The following HTR1F variants were observed in gnomAD, a reference collection of about 807,000 sequenced individuals.
The protein encoded by HTR1F is 5-hydroxytryptamine receptor 1F, also known as 5-hydroxytryptamine (serotonin) receptor 1F, G protein-coupled.
In HTR1F, 17 loss-of-function variants were observed where a neutral mutation model predicts 24.0. That is an observed-to-expected ratio of 0.71 (90% CI 0.48 to 1.06). HTR1F has a LOEUF of 1.06. Among genes scored for constraint, HTR1F ranks in the 50% least tolerant of loss-of-function variants. HTR1F has a pLI of 0.00. For missense variants in HTR1F, 391 were observed against 427.8 expected (o/e 0.91, Z 0.76); for synonymous variants, 186 against 156.8 (o/e 1.19, Z -1.39).
At chr3:87,837,063 T>G (rs533707748) in intron 2 of HTR1F, among the ~76,000 whole-genome samples, 9 of 152,240 alleles carry the variant, frequency 5.9e-5, no homozygotes, top group African/African-American at 2.2e-4. Context: ...CAGAAGGACT[T>G]TTTTCCTTAA....
Position 87,946,190 on chromosome 3 carries a change from C to A in HTR1F, c.-42-44518C>A, listed in dbSNP as rs542198656. On this transcript the variant is annotated intron_variant, in intron 2 of 2. Coordinates refer to ENST00000319595, the MANE Select transcript of HTR1F (RefSeq NM_001322209.2). Reference sequence around the variant, plus strand: ...ATCGCTGGATCAGGAGCACAGCGGACACCCTGCCGGATCCAGAGGGGTGGA... The same window carrying A: ...ATCGCTGGATCAGGAGCACAGCGGAAACCCTGCCGGATCCAGAGGGGTGGA... 2.2e-4 allele frequency among the ~76,000 whole-genome samples: 33 copies of A among 152,332 alleles called. No homozygotes were observed. The South Asian group carries it at 6.6e-3, about 31-fold the overall frequency.
chr3:87,893,872 T>C (rs1706139759), intron 2 of HTR1F, among the ~76,000 whole-genome samples: 1 of 152,260 alleles, frequency 6.6e-6, no homozygotes, highest in Admixed American at 6.5e-5. Flanking sequence ...TCCTTGAGAT[T>C]GGCCACTTGT....
intron 1 of HTR1F, among the ~76,000 whole-genome samples, chr3:87,818,239 A>G (rs1477690093): frequency 6.6e-6 from 1 of 152,184 alleles, no homozygotes; most frequent in African/African-American, 2.4e-5. Flanking sequence ...TAGCATTTAC[A>G]TTATTGATAC....
chr3:87,905,180 T>C (rs1485052943), intron 2 of HTR1F, among the ~76,000 whole-genome samples: 1 of 151,802 alleles, frequency 6.6e-6, no homozygotes, highest in African/African-American at 2.4e-5. Flanking sequence ...TTTGGTGGTA[T>C]ATGTCTGTAG....
At chr3:87,829,939 C>T (rs981391286) in intron 2 of HTR1F, among the ~76,000 whole-genome samples, 1 of 152,094 alleles carries the variant, frequency 6.6e-6, no homozygotes, top group South Asian at 2.1e-4. Flanking sequence ...ACTGACTAAT[C>T]ACTTTTGCTT....
At chr3:87,905,216 A>G (rs1703635331) in intron 2 of HTR1F, among the ~76,000 whole-genome samples, 1 of 151,996 alleles carries the variant, frequency 6.6e-6, no homozygotes, top group African/African-American at 2.4e-5. Context: ...AAGCTGAAGC[A>G]GGAGGATTTC....
intron 1 of HTR1F, among the ~76,000 whole-genome samples, chr3:87,815,160 G>T (rs1704227022): frequency 1.3e-5 from 2 of 152,054 alleles, no homozygotes; most frequent in Admixed American, 1.3e-4. Context: ...TGTGTCATGG[G>T]AATTCATGAA....
intron 2 of HTR1F, among the ~76,000 whole-genome samples, chr3:87,916,155 A>G (rs1314829908): frequency 6.6e-6 from 1 of 152,006 alleles, no homozygotes; most frequent in African/African-American, 2.4e-5. Context: ...ACAAATGACA[A>G]GAGAATTCGC....
chr3:87,843,673 T>C (rs1226011199), intron 2 of HTR1F, among the ~76,000 whole-genome samples: 9 of 122,534 alleles, frequency 7.3e-5, no homozygotes, highest in Non-Finnish European at 9.9e-5. Context: ...GTGCTATCCC[T>C]CCCCCTCCCC....
rs765680339 is a variant in HTR1F at position 87,954,855 on chromosome 3, TAA to T, written c.-42-35851_-42-35850del. On this transcript the variant is annotated intron_variant, in intron 2 of 2. Coordinates refer to ENST00000319595, the MANE Select transcript of HTR1F (RefSeq NM_001322209.2). ...TTTTAAAGTAGTGAAAGGAACTTAT[TAA>T]ACTTTCAACTCATTTTCCTGTTTTC... is the stretch of plus-strand genomic sequence containing the variant. Among the ~76,000 whole-genome samples the T allele has an allele frequency of 4.6e-5, 7 of 151,578 alleles. No individual in the cohort carries two copies. The East Asian group carries it at 1.4e-3, about 29-fold the overall frequency.
At chr3:87,931,047 A>G (rs144273054) in intron 2 of HTR1F, among the ~76,000 whole-genome samples, 2 of 39,310 alleles carry the variant, frequency 5.1e-5, no homozygotes, top group Non-Finnish European at 1.1e-4. Flanking sequence ...TTTTTTTTTT[A>G]CTTTTTTTAT....
At chr3:87,916,567 G>T (rs1703899991) in intron 2 of HTR1F, among the ~76,000 whole-genome samples, 1 of 151,996 alleles carries the variant, frequency 6.6e-6, no homozygotes, top group Non-Finnish European at 1.5e-5. Flanking sequence ...AGCAAGCCAG[G>T]ATAGCTATTC....
chr3:87,938,068 C>A (rs1847304), intron 2 of HTR1F, among the ~76,000 whole-genome samples: 13,720 of 152,112 alleles, frequency 0.09, 667 homozygotes, highest in African/African-American at 0.12. Flanking sequence ...GCTTCTTAAG[C>A]TGATAAACAA....
intron 2 of HTR1F, among the ~76,000 whole-genome samples, chr3:87,831,639 G>A (rs1704583146): frequency 6.6e-6 from 1 of 152,080 alleles, no homozygotes; most frequent in Admixed American, 6.5e-5. Context: ...TGGGATTACA[G>A]GCGTGAGCCA....
intron 2 of HTR1F, among the ~76,000 whole-genome samples, chr3:87,927,541 A>G (rs998512927): frequency 6.6e-6 from 1 of 152,128 alleles, no homozygotes; most frequent in Admixed American, 6.6e-5. Context: ...GGTTTCCTAA[A>G]TGGTATATTA....
At chr3:87,881,669 G>GA (rs1355006192) in intron 2 of HTR1F, among the ~76,000 whole-genome samples, 3 of 152,220 alleles carry the variant, frequency 2.0e-5, no homozygotes, top group Non-Finnish European at 4.4e-5. Context: ...GTAAAAGGCT[G>GA]AAAGTGGATC....
intron 2 of HTR1F, among the ~76,000 whole-genome samples, chr3:87,831,224 T>C (rs181245199): frequency 6.6e-6 from 1 of 151,780 alleles, no homozygotes; most frequent in Admixed American, 6.6e-5. Flanking sequence ...AATGAAGTAA[T>C]AATCTAATCA....
intron 2 of HTR1F, among the ~76,000 whole-genome samples, chr3:87,842,889 A>G (rs1481818977): frequency 3.3e-5 from 5 of 151,962 alleles, no homozygotes; most frequent in African/African-American, 9.7e-5. Flanking sequence ...AATGCCACTA[A>G]GAACGATAAA....
At chr3:87,809,780 G>A (rs143503746) in intron 1 of HTR1F, among the ~76,000 whole-genome samples, 85 of 152,036 alleles carry the variant, frequency 5.6e-4, no homozygotes, top group African/African-American at 2.0e-3. Context: ...ATGATTGTCC[G>A]ATCTTTCTAT....
Sources: allele counts gnomAD v4.1 joint callset (sites outside exome capture counted in the v4.1 genomes callset), GRCh38; gene constraint gnomAD v4.1.1; transcripts MANE v1.5; gene names NCBI Gene and HGNC (gene_info 2026-07-23, HGNC 2026-07-21).